PIK3C3: variants seen among roughly 807,000 people sequenced by gnomAD.
PIK3C3 encodes the protein phosphatidylinositol 3-kinase catalytic subunit type 3.
PIK3C3 carries 95 observed loss-of-function variants against 126.1 expected under a neutral mutation model. The observed-to-expected ratio is 0.75, with a 90% CI of 0.64 to 0.89. The LOEUF is 0.89. Ranked by LOEUF, PIK3C3 falls within the 40% of genes least tolerant of loss-of-function variation. The probability of loss-of-function intolerance (pLI) is 0.00; values close to 1 mark genes in which losing one functional copy is unlikely to be tolerated. For synonymous variants in PIK3C3, 374 were observed against 360.0 expected (o/e 1.04, Z -0.44); for missense variants, 829 against 1,063.2 (o/e 0.78, Z 3.06).
At chr18:42,053,480 G>A (rs968712009) in intron 21 of PIK3C3, among the ~76,000 whole-genome samples, 7 of 152,128 alleles carry the variant, frequency 4.6e-5, no homozygotes, top group African/African-American at 1.7e-4. Flanking sequence ...CAAGTTTGGG[G>A]TGAATGATAT....
intron 16 of PIK3C3, among the ~76,000 whole-genome samples, chr18:42,035,793 G>A (rs1375798044): frequency 2.0e-5 from 3 of 152,070 alleles, no homozygotes; most frequent in African/African-American, 7.2e-5. Context: ...GTGGACTCCT[G>A]TTTTCCTTGT....
intron 17 of PIK3C3, 36 bp downstream of exon 17, chr18:42,037,856 T>A (rs769285165): frequency 5.1e-6 from 8 of 1,580,352 alleles, no homozygotes; most frequent in Non-Finnish European, 6.9e-6. Flanking sequence ...GAACATTTTT[T>A]TCGTTTTGGA....
intron 12 of PIK3C3, among the ~76,000 whole-genome samples, chr18:42,019,631 T>C (rs764403593): frequency 7.9e-5 from 12 of 152,144 alleles, no homozygotes; most frequent in Non-Finnish European, 1.6e-4. Flanking sequence ...TTAATGTTCC[T>C]CAGGGTCCTC....
chr18:42,015,895 T>A (rs1983051674), intron 12 of PIK3C3, among the ~76,000 whole-genome samples: 1 of 152,186 alleles, frequency 6.6e-6, no homozygotes, highest in African/African-American at 2.4e-5. Flanking sequence ...TGTCAGTGCT[T>A]GTGATTACAT....
rs76122779 is a variant in PIK3C3, at chr18:42,069,520, C to G, written c.2649+2007C>G. ...CTACATTAGTGTCAATCAAACTTTT[C>G]CTGGCCACGGCCCATCTCTGTGTGT... On this transcript the variant is annotated intron_variant, in intron 24 of 24. Transcript: ENST00000262039. 1.4e-4 allele frequency among the ~76,000 whole-genome samples: 22 copies of G among 152,324 alleles called. No individual in the cohort carries two copies. In the East Asian group the frequency reaches 4.2e-3, roughly 29 times the overall value.
At chr18:42,042,278 T>C (rs1984356623) in intron 19 of PIK3C3, among the ~76,000 whole-genome samples, 1 of 152,228 alleles carries the variant, frequency 6.6e-6, no homozygotes, top group South Asian at 2.1e-4. Context: ...TGTGTCTTCA[T>C]AGGACAGAGA....
At chr18:41,987,597 G>A (rs1039549928) in intron 4 of PIK3C3, among the ~76,000 whole-genome samples, 11 of 151,840 alleles carry the variant, frequency 7.2e-5, no homozygotes, top group African/African-American at 2.7e-4. Flanking sequence ...TCAAAATATG[G>A]CAAATTATGG....
intron 7 of PIK3C3, 126 bp from the exon 8 acceptor site, chr18:41,995,762 TAA>T (rs1981995371): frequency 1.5e-6 from 1 of 673,218 alleles, no homozygotes; most frequent in Non-Finnish European, 2.6e-6. Context: ...AGAAGACTGC[TAA>T]AGTTGTATCA....
rs951594653 is a variant in PIK3C3, at chr18:41,957,427, T to C, written c.69-143T>C. 19 of 667,468 alleles carry C rather than the reference T, an allele frequency of 2.8e-5. No homozygotes were observed. In the African/African-American group the frequency reaches 3.6e-4, roughly 13 times the overall value. The allele number at this position is 667,468 out of a possible 1,614,324, so 41.3% of individuals were successfully genotyped here. A position where few individuals can be genotyped will look rare whatever the true frequency, so the allele number is the denominator to read the frequency against. On this transcript the variant is annotated intron_variant, in intron 1 of 24. Transcript: ENST00000262039. Reference sequence around the variant, plus strand: ...ACAGGAAAATGTTGTTTAGGTAGCATACCTTAACACAAAGGTAAACTTTTT... The same window carrying C: ...ACAGGAAAATGTTGTTTAGGTAGCACACCTTAACACAAAGGTAAACTTTTT...
chr18:42,031,673 T>G (rs1260998871), intron 15 of PIK3C3, among the ~76,000 whole-genome samples: 1 of 152,166 alleles, frequency 6.6e-6, no homozygotes, highest in African/African-American at 2.4e-5. Flanking sequence ...AGCCTCGGCC[T>G]TCCAAAGTGC....
At chr18:41,972,995 G>T (rs974191161) in intron 4 of PIK3C3, among the ~76,000 whole-genome samples, 2 of 152,074 alleles carry the variant, frequency 1.3e-5, no homozygotes, top group African/African-American at 4.8e-5. Flanking sequence ...TGGCCATTCT[G>T]CTAACTTGGG....
chr18:41,990,192 C>T (rs1431684867), intron 5 of PIK3C3, among the ~76,000 whole-genome samples: 2 of 152,090 alleles, frequency 1.3e-5, no homozygotes, highest in Non-Finnish European at 2.9e-5. Context: ...TAAACCCAAA[C>T]TACTGAATAA....
At chr18:41,993,377 T>C (rs780930513) in intron 7 of PIK3C3, 36 bp downstream of exon 7, 2 of 1,356,110 alleles carry the variant, frequency 1.5e-6, no homozygotes, top group South Asian at 1.2e-5. Context: ...GAAAGTACTT[T>C]TCTTCAGAGT....
intron 6 of PIK3C3, 101 bp from the exon 7 acceptor site, chr18:41,993,168 AT>A (rs935166523): frequency 3.3e-6 from 2 of 598,006 alleles, no homozygotes; most frequent in Admixed American, 6.5e-5. Context: ...GGGAAGAATG[AT>A]GTTCATCAAA....
intron 15 of PIK3C3, among the ~76,000 whole-genome samples, chr18:42,032,624 T>TTTTATTTATTTATTTATTTA (rs139558444): frequency 6.9e-6 from 1 of 144,012 alleles, no homozygotes; most frequent in African/African-American, 2.6e-5. Flanking sequence ...TTTCTGGTTA[T>TTTTATTTATTTATTTATTTA]TTTATTTATT....
At chr18:41,969,596 G>T (rs999705562) in intron 3 of PIK3C3, among the ~76,000 whole-genome samples, 1 of 152,196 alleles carries the variant, frequency 6.6e-6, no homozygotes, top group Admixed American at 6.5e-5. Context: ...AAATGTTTTT[G>T]TATGAATCTA....
Position 41,996,691 on chromosome 18 carries a change from T to C in PIK3C3, c.945T>C (p.Leu315=). 1 of 1,570,914 alleles carries C rather than the reference T, an allele frequency of 6.4e-7. No individual in the cohort carries two copies. Among genetic ancestry groups the C allele is most frequent in the South Asian group, 1.2e-5 (1 of 84,288 alleles). ...TKQLTYEEQD[L]VWKFRYYLTN... The stretch of plus-strand genomic sequence containing the variant: ...AACTTACATATGAAGAACAAGATCT[T>C]GTTTGGAAGTTTAGATATTATCTTA... The change falls in exon 9 of 25, where the codon CTT becomes CTC. Residue 315 remains leucine, a synonymous_variant. Transcript: ENST00000262039.
chr18:41,993,402 C>A, intron 7 of PIK3C3, 61 bp downstream of exon 7: 2 of 1,044,824 alleles, frequency 1.9e-6, no homozygotes, highest in Non-Finnish European at 3.0e-6. Flanking sequence ...GTGAGTTAGC[C>A]ACATCATGTA....
chr18:42,048,776 G>C (rs1031292459), intron 20 of PIK3C3, among the ~76,000 whole-genome samples: 3 of 151,956 alleles, frequency 2.0e-5, no homozygotes, highest in Non-Finnish European at 4.4e-5. Flanking sequence ...TTTACACATG[G>C]GCTGAAATAA....
Sources: allele counts gnomAD v4.1 joint callset (sites outside exome capture counted in the v4.1 genomes callset), GRCh38; gene constraint gnomAD v4.1.1; transcripts MANE v1.5; gene names NCBI Gene and HGNC (gene_info 2026-07-23, HGNC 2026-07-21).